Variants in C3orf20 observed in about 807,000 individuals in gnomAD.
The protein encoded by C3orf20 is family with sequence similarity 149 member C.
C3orf20 carries 76 observed loss-of-function variants against 88.3 expected under a neutral mutation model. That is an observed-to-expected ratio of 0.86 (90% CI 0.72 to 1.04). The LOEUF is 1.04. Ranked by LOEUF, C3orf20 falls within the 50% of genes least tolerant of loss-of-function variation. The probability of loss-of-function intolerance (pLI) is 0.00; values close to 1 mark genes in which losing one functional copy is unlikely to be tolerated. For missense variants in C3orf20, 1,056 were observed against 1,123.3 expected (o/e 0.94, Z 0.86); for synonymous variants, 436 against 437.4 (o/e 1.00, Z 0.04).
In C3orf20 at chr3:14,684,262, A is replaced by C. The variant is rs761492643; in HGVS notation, c.505A>C (p.Ile169Leu). 3.1e-6 allele frequency: 5 copies of C among 1,614,000 alleles called. No homozygotes were observed. The highest frequency in any genetic ancestry group is 4.2e-6 in the Non-Finnish European group (5 of 1,180,018). The change falls in exon 4 of 17, where the codon ATC becomes CTC. Residue 169 changes from isoleucine to leucine, a missense_variant. Physicochemically the swap from Ile to Leu is conservative, Grantham distance 5. Transcript: ENST00000253697. ...TTTAGTGGGTGCCAACCCCTTGGAC[A>C]TCACCAGGCGCTTTGTGGAGGCCAG... Reference protein sequence around the residue: ...SMSVGANPLDITRRFVEASQL... With the variant: ...SMSVGANPLDLTRRFVEASQL...
At position 14,704,419 on chromosome 3, in the gene C3orf20, C is replaced by T; in HGVS notation, c.961C>T (p.His321Tyr). Residue 321 changes from histidine (H) to tyrosine (Y), a missense_variant, in exon 7 of 17, where the codon CAT becomes TAT. Transcript: ENST00000253697. ...LRNYKAKMPS[H>Y]LMLARKGDSQ... is the part of the protein sequence containing the mutation. ...AAACTACAAGGCAAAGATGCCCTCT[C>T]ATCTAATGTTGGCCCGCAAAGGAGA... is the stretch of plus-strand genomic sequence containing the variant. The T allele has an allele frequency of 6.2e-7, 1 of 1,614,176 alleles. No individual in the cohort carries two copies. Among genetic ancestry groups the T allele is most frequent in the African/African-American group, 1.3e-5 (1 of 75,048 alleles).
intron 15 of C3orf20, among the ~76,000 whole-genome samples, chr3:14,766,120 G>T (rs894233209): frequency 1.3e-5 from 2 of 152,228 alleles, no homozygotes; most frequent in Admixed American, 1.3e-4. Context: ...TCGGGGCCAG[G>T]ACTGATCAGA....
In C3orf20 at chr3:14,714,017, G is replaced by A; in HGVS notation, c.1171G>A (p.Gly391Arg). ...DGSSFVYYPS[G>R]NVAVCQIPTC... is the part of the protein sequence containing the mutation. ...GAACATTTCTGCCAGCTATCCCTCTGGAAACGTCGCTGTATGTCAGATCCC... is the reference window on the plus strand; with the variant it reads ...GAACATTTCTGCCAGCTATCCCTCTAGAAACGTCGCTGTATGTCAGATCCC... The change falls in exon 8 of 17, where the codon GGA (glycine) becomes AGA (arginine). Residue 391 changes from glycine to arginine, a missense_variant. Physicochemically the swap from Gly to Arg is moderately radical, Grantham distance 125. Transcript: ENST00000253697. The A allele has an allele frequency of 6.2e-7, 1 of 1,614,030 alleles. No homozygotes were observed. The highest frequency in any genetic ancestry group is 8.5e-7 in the Non-Finnish European group (1 of 1,179,996).
chr3:14,758,614 G>T (rs566634174), intron 13 of C3orf20, among the ~76,000 whole-genome samples: 5 of 152,128 alleles, frequency 3.3e-5, no homozygotes, highest in Non-Finnish European at 5.9e-5. Context: ...CCTAGAATCC[G>T]CTGTCTTTGC....
chr3:14,749,067 A>G (rs1325234792), intron 12 of C3orf20, among the ~76,000 whole-genome samples: 1 of 152,204 alleles, frequency 6.6e-6, no homozygotes, highest in African/African-American at 2.4e-5. Context: ...AACTATTACT[A>G]TAGAATTGCC....
chr3:14,753,259 G>A (rs1370181793), intron 12 of C3orf20, among the ~76,000 whole-genome samples: 2 of 152,096 alleles, frequency 1.3e-5, no homozygotes, highest in East Asian at 3.9e-4. Flanking sequence ...AACACCACAT[G>A]TTGTCACTCA....
chr3:14,712,153 GACAC>G (rs1190014286), intron 7 of C3orf20, among the ~76,000 whole-genome samples: 3 of 139,902 alleles, frequency 2.1e-5, no homozygotes, highest in Non-Finnish European at 3.0e-5. Context: ...AGAGAAAACA[GACAC>G]ACACACGCAC....
rs766254922 is a variant in C3orf20 at position 14,703,234 on chromosome 3, G to C, written c.850G>C (p.Glu284Gln). Residue 284 changes from glutamate to glutamine, a missense_variant, in exon 6 of 17, where the codon GAG becomes CAG. Glu to Gln is a conservative substitution (Grantham distance 29). Transcript: ENST00000253697. ...EFSDPCPEAREKLQELCRHIE... is the reference protein window; with the variant it reads ...EFSDPCPEARQKLQELCRHIE... ...CAGCGACCCCTGCCCTGAGGCCCGG[G>C]AGAAGCTGCAGGAGTTGTGTCGCCA... The C allele has an allele frequency of 1.1e-5, 17 of 1,614,052 alleles. No homozygotes were observed. Among genetic ancestry groups the C allele is most frequent in the Non-Finnish European group, 1.4e-5 (16 of 1,180,046 alleles).
chr3:14,712,180 GCGCACACACA>G (rs1218706252), intron 7 of C3orf20, among the ~76,000 whole-genome samples: 8,061 of 108,730 alleles, frequency 0.074, 335 homozygotes, highest in African/African-American at 0.19. Context: ...ACACGCGCGC[GCGCACACACA>G]CACACACACA....
chr3:14,743,799 C>T (rs2034983746), intron 12 of C3orf20, among the ~76,000 whole-genome samples: 1 of 152,008 alleles, frequency 6.6e-6, no homozygotes, highest in Non-Finnish European at 1.5e-5. Flanking sequence ...TCTGAAGCCA[C>T]AGCCCAAGCT....
At chr3:14,721,162 C>G (rs1016324991) in intron 9 of C3orf20, among the ~76,000 whole-genome samples, 2 of 152,214 alleles carry the variant, frequency 1.3e-5, no homozygotes, top group Non-Finnish European at 2.9e-5. Context: ...CCAGGCCCTT[C>G]TGGGTCCTCT....
chr3:14,700,935 C>T (rs1002670095), intron 5 of C3orf20, among the ~76,000 whole-genome samples: 9 of 152,220 alleles, frequency 5.9e-5, no homozygotes, highest in Non-Finnish European at 1.3e-4. Context: ...GCATCAGTTC[C>T]AGGAGTTGGG....
At chr3:14,747,220 T>C (rs2125016996) in intron 12 of C3orf20, among the ~76,000 whole-genome samples, 1 of 152,320 alleles carries the variant, frequency 6.6e-6, no homozygotes, top group East Asian at 1.9e-4. Context: ...CTCTGTTCAG[T>C]GAAAAAGGTA....
intron 12 of C3orf20, among the ~76,000 whole-genome samples, chr3:14,738,998 T>C (rs941709261): frequency 6.6e-6 from 1 of 150,778 alleles, no homozygotes; most frequent in Non-Finnish European, 1.5e-5. Context: ...GCCATGTTGG[T>C]CAGGCTAGTC....
Position 14,681,937 on chromosome 3 carries a change from A to G in C3orf20, c.-298-233A>G, listed in dbSNP as rs966105576. Among the ~76,000 whole-genome samples, 22 of 152,364 alleles carry G rather than the reference A, an allele frequency of 1.4e-4. No individual in the cohort carries two copies. The South Asian group carries it at 3.5e-3, about 24-fold the overall frequency. ...TCAGGGTAAACATTACTGTAGTATT[A>G]AAGTGGAAAAATATTTATTATAGTC... On this transcript the variant is annotated intron_variant, in intron 1 of 16. Transcript: ENST00000253697.
chr3:14,690,005 G>A lies in C3orf20; in HGVS notation c.634G>A (p.Ala212Thr), dbSNP rs777709119. Residue 212 changes from alanine to threonine, a missense_variant, in exon 5 of 17, where the codon GCA (alanine) becomes ACA (threonine). Physicochemically the swap from Ala to Thr is moderately conservative, Grantham distance 58. Coordinates refer to ENST00000253697, the MANE Select transcript of C3orf20 (RefSeq NM_032137.5). ...SSGQLWKESL[A>T]NMSAIGVNSP... ...TCTCTCTCCCACTCCAGAGTCCCTC[G>A]CAAACATGTCCGCCATTGGGGTGAA... 1.7e-5 allele frequency: 28 copies of A among 1,613,998 alleles called. No homozygotes were observed. The highest frequency in any genetic ancestry group is 1.1e-4 in the East Asian group (5 of 44,900).
At chr3:14,769,162 G>A (rs1172608683) in intron 15 of C3orf20, among the ~76,000 whole-genome samples, 1 of 152,104 alleles carries the variant, frequency 6.6e-6, no homozygotes, top group African/African-American at 2.4e-5. Context: ...TGTGAGCAGT[G>A]CACCATAATA....
chr3:14,682,474 A>G (rs1382687238), intron 2 of C3orf20, 104 bp from the exon 3 acceptor site: 1 of 544,136 alleles, frequency 1.8e-6, no homozygotes, highest in African/African-American at 1.9e-5. Context: ...ACTCACTAAC[A>G]TTGGTCTCTC....
At chr3:14,703,008 A>G (rs981543057) in intron 5 of C3orf20, 122 bp from the exon 6 acceptor site, 30 of 1,242,784 alleles carry the variant, frequency 2.4e-5, no homozygotes, top group African/African-American at 4.5e-5. Flanking sequence ...CCAGCGGGAC[A>G]AATTTTAAAG....
Sources: allele counts gnomAD v4.1 joint callset (sites outside exome capture counted in the v4.1 genomes callset), GRCh38; gene constraint gnomAD v4.1.1; transcripts MANE v1.5; gene names NCBI Gene and HGNC (gene_info 2026-07-23, HGNC 2026-07-21).